NR1H3: variants seen among roughly 807,000 people sequenced by gnomAD.
The protein encoded by NR1H3 is nuclear receptor subfamily 1 group H member 3.
Under a neutral mutation model 48.1 loss-of-function variants are expected in NR1H3, and 19 were observed. The ratio of observed to expected loss-of-function variants is 0.40; its 90% CI spans 0.28 to 0.58. NR1H3 has a LOEUF of 0.58. NR1H3 is among the 20% of genes least tolerant of loss of function. The pLI is 0.50. For missense variants in NR1H3, 486 were observed against 595.9 expected (o/e 0.82, Z 1.92); for synonymous variants, 232 against 227.3 (o/e 1.02, Z -0.19).
At chr11:47,252,830 A>C (rs1954774925) in intron 1 of NR1H3, among the ~76,000 whole-genome samples, 1 of 151,766 alleles carries the variant, frequency 6.6e-6, no homozygotes, top group Non-Finnish European at 1.5e-5. Context: ...CGGCCTCCCA[A>C]AGTGCTGGGA....
Position 47,249,000 on chromosome 11 carries a change from G to T in NR1H3, c.-93+1G>T. 1 of 1,485,598 alleles carries T rather than the reference G, an allele frequency of 6.7e-7. No individual in the cohort carries two copies. 92.0% of individuals were successfully genotyped at this position (1,485,598 alleles called of 1,614,324 possible). On this transcript the variant is annotated splice_donor_variant, in intron 1 of 8. Transcript: ENST00000395397. LOFTEE classifies it low-confidence loss of function (5UTR_SPLICE). Reference sequence around the variant, plus strand: ...GGCTGTGGCGGAGGAGCATAAGAAGGTAACGCGACCTGGCGCGGCAGACAG... The same window carrying T: ...GGCTGTGGCGGAGGAGCATAAGAAGTTAACGCGACCTGGCGCGGCAGACAG...
chr11:47,267,898 C>T lies in NR1H3; in HGVS notation c.989-15C>T. ...GCTCCTGCTGCTTGCGTCAGCCTCC[C>T]TTCTTCCTCCCCAGGGCTGCAAGTG... On this transcript the variant is annotated splice_polypyrimidine_tract_variant and intron_variant, in intron 7 of 9. Coordinates refer to ENST00000441012, the MANE Select transcript of NR1H3 (RefSeq NM_005693.4). The T allele has an allele frequency of 6.3e-7, 1 of 1,595,406 alleles. No homozygotes were observed. Among genetic ancestry groups the T allele is most frequent in the Non-Finnish European group, 8.6e-7 (1 of 1,163,120 alleles).
chr11:47,261,195 T>G, intron 4 of NR1H3, 46 bp from the exon 5 acceptor site: 1 of 493,340 alleles, frequency 2.0e-6, no homozygotes, highest in Non-Finnish European at 3.4e-6. Context: ...CCTTGCCCCA[T>G]CCTTTCCCCA....
At chr11:47,256,352 C>G (rs925214525), upstream of NR1H3, among the ~76,000 whole-genome samples, 3 of 152,120 alleles carry the variant, frequency 2.0e-5, no homozygotes, top group Admixed American at 6.5e-5. Flanking sequence ...ATTTATTTTT[C>G]AACACACCAT....
chr11:47,262,467 G>C (rs952763893), intron 7 of NR1H3, among the ~76,000 whole-genome samples: 1 of 151,926 alleles, frequency 6.6e-6, no homozygotes, highest in Non-Finnish European at 1.5e-5. Context: ...CCAAAGTGCT[G>C]GGATTACAGG....
chr11:47,257,607 G>T (rs1040378529), upstream of NR1H3: 1 of 976,574 alleles, frequency 1.0e-6, no homozygotes, highest in African/African-American at 1.7e-5. Flanking sequence ...TCGCAATTCC[G>T]GGCCGTGCTG....
At chr11:47,252,055 C>CAAAAAA (rs1322906904) in intron 1 of NR1H3, among the ~76,000 whole-genome samples, 1 of 63,416 alleles carries the variant, frequency 1.6e-5, no homozygotes, top group Non-Finnish European at 3.3e-5. Context: ...ACTACAGGTG[C>CAAAAAA]AAAAAAAAAA....
At chr11:47,254,336 T>A (rs1251718347), upstream of NR1H3, among the ~76,000 whole-genome samples, 1 of 152,186 alleles carries the variant, frequency 6.6e-6, no homozygotes, top group African/African-American at 2.4e-5. Flanking sequence ...ACCAGCCATC[T>A]CTGTGACATC....
At chr11:47,252,505 C>T (rs1186991281) in intron 1 of NR1H3, among the ~76,000 whole-genome samples, 1 of 151,880 alleles carries the variant, frequency 6.6e-6, no homozygotes, top group Non-Finnish European at 1.5e-5. Flanking sequence ...GTGATCTGCC[C>T]ATTTTGGCCT....
chr11:47,257,759 A>C, upstream of NR1H3: 3 of 967,650 alleles, frequency 3.1e-6, no homozygotes, highest in Non-Finnish European at 3.7e-6. Context: ...GGGGAGAGAC[A>C]TGGAACTTGG....
chr11:47,268,463 C>T, intron 9 of NR1H3, 87 bp from the exon 10 acceptor site: 1 of 1,591,974 alleles, frequency 6.3e-7, no homozygotes, highest in Non-Finnish European at 8.6e-7. Flanking sequence ...GCTGTGCAGA[C>T]AATTCACCTC....
At position 47,267,924 on chromosome 11, in the gene NR1H3, G is replaced by A. The variant is rs1364032592; in HGVS notation, c.1000G>A (p.Glu334Lys). 6.2e-7 allele frequency: 1 copy of A among 1,613,530 alleles called. No homozygotes were observed. The highest frequency in any genetic ancestry group is 1.3e-5 in the African/African-American group (1 of 74,914). ...TTCTTCCTCCCCAGGGCTGCAAGTG[G>A]AATTCATCAACCCCATCTTCGAGTT... The part of the protein sequence containing the change: ...EDFAKAGLQV[E>K]FINPIFEFSR... Residue 334 changes from glutamate to lysine, a missense_variant, in exon 8 of 10, where the codon GAA becomes AAA. Transcript: ENST00000441012.
intron 9 of NR1H3, 51 bp from the exon 10 acceptor site, chr11:47,268,499 C>T (rs372212614): frequency 3.1e-6 from 5 of 1,611,958 alleles, no homozygotes; most frequent in African/African-American, 1.3e-5. Context: ...ACTCTTGCCC[C>T]GCTTCCCTGG....
At chr11:47,263,006 G>A (rs1401245472) in intron 7 of NR1H3, among the ~76,000 whole-genome samples, 1 of 152,154 alleles carries the variant, frequency 6.6e-6, no homozygotes, top group Admixed American at 6.6e-5. Context: ...GTATTCCAAG[G>A]AACCTGAGAG....
At chr11:47,266,238 A>G (rs1468044945) in intron 7 of NR1H3, among the ~76,000 whole-genome samples, 3 of 151,798 alleles carry the variant, frequency 2.0e-5, no homozygotes, top group Non-Finnish European at 2.9e-5. Context: ...CAGTGGTGTG[A>G]TCAATCATGG....
In NR1H3 at chr11:47,259,837, C is replaced by T. The variant is rs1334732262; in HGVS notation, c.90C>T (p.Ser30=). 1.9e-6 allele frequency: 3 copies of T among 1,612,358 alleles called. No individual in the cohort carries two copies. The African/African-American group carries it at 4.0e-5, about 22-fold the overall frequency. ...LWKPGAQDAS[S]QAQGGSSCIL... The stretch of plus-strand genomic sequence containing the variant: ...AGCCAGGCGCACAGGATGCAAGCAG[C>T]CAGGCCCAGGGAGGCAGCAGCTGCA... The change falls in exon 3 of 10, where the codon AGC becomes AGT. Residue 30 remains serine, a synonymous_variant. Transcript: ENST00000441012.
In NR1H3 at chr11:47,261,703, C is replaced by T. The variant is rs1174430504; in HGVS notation, c.865C>T (p.Leu289=). The T allele has an allele frequency of 3.1e-6, 5 of 1,614,004 alleles. No homozygotes were observed. The East Asian group carries it at 8.9e-5, about 29-fold the overall frequency. ...GCTCAGCCGGGAGGACCAGATTGCC[C>T]TGCTGAAGACCTCTGCGATCGAGGT... ...LQLSREDQIA[L]LKTSAIEVML... The change falls in exon 6 of 10, where the codon CTG becomes TTG. Residue 289 remains leucine, a synonymous_variant. Transcript: ENST00000441012.
chr11:47,261,392 C>G lies in NR1H3; in HGVS notation c.651C>G (p.Leu217=), dbSNP rs749883565. ...AACAACTGGGCATGATCGAGAAGCT[C>G]GTCGCTGCCCAGCAACAGTGTAACC... ...SPEQLGMIEK[L]VAAQQQCNRR... is the part of the protein sequence containing the mutation. Residue 217 remains leucine, a synonymous_variant, in exon 5 of 10, where the codon CTC becomes CTG. Transcript: ENST00000441012. 6.2e-7 allele frequency: 1 copy of G among 1,614,156 alleles called. No homozygotes were observed.
At position 47,268,270 on chromosome 11, in the gene NR1H3, A is replaced by G; in HGVS notation, c.1112A>G (p.Asn371Ser). 6.2e-7 allele frequency: 1 copy of G among 1,614,022 alleles called. No individual in the cohort carries two copies. Among genetic ancestry groups the G allele is most frequent in the Non-Finnish European group, 8.5e-7 (1 of 1,179,970 alleles). The change falls in exon 9 of 10, where the codon AAC becomes AGC. Residue 371 changes from asparagine to serine, a missense_variant. Coordinates refer to ENST00000441012, the MANE Select transcript of NR1H3 (RefSeq NM_005693.4). ...AISIFSADRP[N>S]VQDQLQVERL... ...TCTTGGTGACCTATAGACCGGCCCA[A>G]CGTGCAGGACCAGCTCCAGGTAGAG...
Sources: gnomAD v4.1 joint callset for allele counts (sites outside exome capture counted in the v4.1 genomes callset) on GRCh38, gnomAD v4.1.1 for gene constraint, MANE v1.5 for transcripts, NCBI Gene and HGNC (gene_info 2026-07-23, HGNC 2026-07-21) for gene names.